Variants in SCOC observed in about 807,000 individuals in gnomAD.
The protein encoded by SCOC is short coiled coil protein.
In SCOC, 7 loss-of-function variants were observed where a neutral mutation model predicts 9.9. The ratio of observed to expected loss-of-function variants is 0.71; its 90% CI spans 0.40 to 1.33. The LOEUF (loss-of-function observed/expected upper bound fraction) is 1.33, where lower values mean the gene tolerates loss of function less well. SCOC is among the 40% of genes most tolerant of loss of function. SCOC has a pLI of 0.01. For missense variants in SCOC, 66 were observed against 89.7 expected (o/e 0.74, Z 1.07); for synonymous variants, 19 against 28.2 (o/e 0.67, Z 1.03).
At chr4:140,368,960 A>T (rs988846281), upstream of SCOC, among the ~76,000 whole-genome samples, 1 of 151,074 alleles carries the variant, frequency 6.6e-6, no homozygotes, top group African/African-American at 2.4e-5. Flanking sequence ...CAGCACCGAG[A>T]CTGCACAGAA....
upstream of SCOC, among the ~76,000 whole-genome samples, chr4:140,371,347 G>A (rs796108695): frequency 1.3e-5 from 2 of 152,000 alleles, no homozygotes; most frequent in Admixed American, 6.5e-5. Flanking sequence ...TCTTCCCTAC[G>A]GCGATATACA....
chr4:140,340,740 A>C (rs1393359662), upstream of SCOC, among the ~76,000 whole-genome samples: 2 of 147,266 alleles, frequency 1.4e-5, no homozygotes, highest in African/African-American at 2.5e-5. Context: ...TTCCATTATA[A>C]CTTTTGCTCA....
chr4:140,280,025 G>A (rs1731064105), intron 1 of SCOC, among the ~76,000 whole-genome samples: 2 of 152,196 alleles, frequency 1.3e-5, no homozygotes, highest in South Asian at 4.1e-4. Flanking sequence ...GACGTGAACT[G>A]GAAGTTGCAC....
At chr4:140,257,466 G>A (rs1466558892) in intron 1 of SCOC, 1 of 152,134 alleles carries the variant, frequency 6.6e-6, no homozygotes, top group Non-Finnish European at 1.5e-5. Flanking sequence ...GCATCTGCTT[G>A]TAAGAGCCAG....
intron 1 of SCOC, among the ~76,000 whole-genome samples, chr4:140,307,472 T>A (rs1732026685): frequency 6.6e-6 from 1 of 152,208 alleles, no homozygotes; most frequent in Admixed American, 6.5e-5. Flanking sequence ...CAGTTAAAGT[T>A]CAGGAGGTGC....
intron 1 of SCOC, among the ~76,000 whole-genome samples, chr4:140,271,990 C>T (rs1292423898): frequency 3.3e-5 from 5 of 151,570 alleles, no homozygotes; most frequent in African/African-American, 4.9e-5. Context: ...AGCGCAAGGT[C>T]GACCCTCCTA....
At chr4:140,367,196 C>T (rs888241426) in intron 2 of SCOC, among the ~76,000 whole-genome samples, 1 of 151,840 alleles carries the variant, frequency 6.6e-6, no homozygotes, top group Non-Finnish European at 1.5e-5. Flanking sequence ...CAGAGCAAGA[C>T]CCTACACACC....
chr4:140,379,079 AT>A (rs1171894325), intron 1 of SCOC, 41 bp from the exon 2 acceptor site: 3 of 1,170,682 alleles, frequency 2.6e-6, no homozygotes, highest in African/African-American at 3.0e-5. Context: ...CTTATAGTTT[AT>A]TGCTGTATGT....
chr4:140,366,358 G>A (rs1049305235), intron 2 of SCOC: 1 of 1,253,042 alleles, frequency 8.0e-7, no homozygotes, highest in Non-Finnish European at 1.1e-6. Context: ...TTCTAAGCTG[G>A]AGCCTTCTTG....
intron 1 of SCOC, chr4:140,284,700 A>G (rs1046926586): frequency 6.5e-6 from 1 of 152,730 alleles, no homozygotes. Flanking sequence ...AATCAAGGTT[A>G]AGACTTAGCC....
At chr4:140,353,241 C>T (rs532023648) in intron 2 of SCOC, among the ~76,000 whole-genome samples, 78 of 152,226 alleles carry the variant, frequency 5.1e-4, no homozygotes, top group African/African-American at 1.9e-3. Context: ...TTCTATTGGG[C>T]TCCACGAGCC....
At chr4:140,277,593 A>G (rs1029858463) in intron 1 of SCOC, among the ~76,000 whole-genome samples, 18 of 152,328 alleles carry the variant, frequency 1.2e-4, no homozygotes, top group Non-Finnish European at 2.4e-4. Context: ...GTTTCTCTTA[A>G]GTAGCTTATA....
chr4:140,321,812 T>A (rs1732508242), intron 1 of SCOC, among the ~76,000 whole-genome samples: 1 of 152,196 alleles, frequency 6.6e-6, no homozygotes, highest in African/African-American at 2.4e-5. Context: ...TGACAGACAT[T>A]CTTATGTTCT....
At position 140,381,087 on chromosome 4, in the gene SCOC, A is replaced by T; in HGVS notation, c.232A>T (p.Lys78Ter). 6.3e-7 allele frequency: 1 copy of T among 1,597,950 alleles called. No individual in the cohort carries two copies. The highest frequency in any genetic ancestry group is 2.2e-5 in the East Asian group (1 of 44,462). The change falls in exon 4 of 4, where the codon AAA becomes TAA. Residue 78 changes from lysine to a stop codon, truncating the protein, a stop_gained. Transcript: ENST00000608372. LOFTEE classifies it high-confidence loss of function. Reference sequence around the variant, plus strand: ...TAGTGTTTTTCAAACAACTGACACAAAAAGCAAAAGAAAGTAAGGGATTGA... The same window carrying T: ...TAGTGTTTTTCAAACAACTGACACATAAAGCAAAAGAAAGTAAGGGATTGA... ...ASSVFQTTDT[K>*]SKRK is the part of the protein sequence containing the mutation.
intron 1 of SCOC, among the ~76,000 whole-genome samples, chr4:140,286,005 C>T (rs780169839): frequency 5.9e-5 from 9 of 151,842 alleles, no homozygotes; most frequent in Non-Finnish European, 1.3e-4. Context: ...GCCAACAAGG[C>T]GAAATCCCAT....
At chr4:140,281,121 G>C (rs1284908483) in intron 1 of SCOC, among the ~76,000 whole-genome samples, 8 of 152,064 alleles carry the variant, frequency 5.3e-5, no homozygotes, top group Admixed American at 4.6e-4. Context: ...GTCTGTCCTG[G>C]AGCAGGCAAG....
At chr4:140,268,218 C>T (rs1194192034) in intron 1 of SCOC, among the ~76,000 whole-genome samples, 1 of 152,210 alleles carries the variant, frequency 6.6e-6, no homozygotes, top group Non-Finnish European at 1.5e-5. Flanking sequence ...TTATGCATCA[C>T]TGAATTACTG....
intron 1 of SCOC, among the ~76,000 whole-genome samples, chr4:140,295,944 A>AAAAG (rs796889133): frequency 1.4e-5 from 2 of 143,452 alleles, no homozygotes; most frequent in East Asian, 2.1e-4. Context: ...AAAAAAAAAA[A>AAAAG]AAAGAAAGAA....
intron 2 of SCOC, among the ~76,000 whole-genome samples, chr4:140,361,546 C>G (rs976941612): frequency 1.3e-5 from 2 of 152,084 alleles, no homozygotes; most frequent in Admixed American, 6.5e-5. Flanking sequence ...GTAGTCCCAG[C>G]TATTTGAGAG....
Sources: allele counts gnomAD v4.1 joint callset (sites outside exome capture counted in the v4.1 genomes callset), GRCh38; gene constraint gnomAD v4.1.1; transcripts MANE v1.5; gene names NCBI Gene and HGNC (gene_info 2026-07-23, HGNC 2026-07-21).